Variants in NCAM2 observed in about 807,000 individuals in gnomAD.
The protein encoded by NCAM2 is neural cell adhesion molecule 2.
Under a neutral mutation model 98.1 loss-of-function variants are expected in NCAM2, and 30 were observed. The observed-to-expected ratio is 0.31, with a 90% CI of 0.23 to 0.41. The LOEUF is 0.41. NCAM2 is among the 10% of genes least tolerant of loss of function. The pLI, the probability that NCAM2 is intolerant of heterozygous loss-of-function variation, is 1.00. For missense variants in NCAM2, 867 were observed against 1,005.8 expected, an observed-to-expected ratio of 0.86 and a Z score of 1.87; for synonymous variants, 368 against 342.4, an observed-to-expected ratio of 1.07 and a Z score of -0.83.
chr21:21,229,399 GAT>G (rs2070527202), intron 1 of NCAM2, among the ~76,000 whole-genome samples: 1 of 151,442 alleles, frequency 6.6e-6, no homozygotes, highest in Admixed American at 6.6e-5. Context: ...TCTTTAATAA[GAT>G]GTCACTTTAA....
At chr21:21,032,621 T>A (rs1395485693) in intron 1 of NCAM2, among the ~76,000 whole-genome samples, 1 of 152,244 alleles carries the variant, frequency 6.6e-6, no homozygotes, top group Non-Finnish European at 1.5e-5. Context: ...TTCATTTGCC[T>A]TAGTTATAAA....
intron 16 of NCAM2, among the ~76,000 whole-genome samples, chr21:21,530,726 A>T (rs3945462): frequency 0.95 from 144,000 of 151,924 alleles, 68,710 homozygotes; most frequent in East Asian, 1. Flanking sequence ...GATATAATAA[A>T]GTATTTCTCT....
chr21:21,442,338 T>G (rs921881500), intron 12 of NCAM2, among the ~76,000 whole-genome samples: 1 of 152,152 alleles, frequency 6.6e-6, no homozygotes, highest in East Asian at 1.9e-4. Context: ...CCAGAGAATT[T>G]CCTTAGATGC....
chr21:21,271,507 T>C (rs2072497627), intron 1 of NCAM2, among the ~76,000 whole-genome samples: 1 of 152,208 alleles, frequency 6.6e-6, no homozygotes, highest in African/African-American at 2.4e-5. Context: ...CTTTAAACTT[T>C]CTTTGTGCTT....
intron 16 of NCAM2, among the ~76,000 whole-genome samples, chr21:21,515,770 C>A (rs891898695): frequency 2.0e-5 from 3 of 152,062 alleles, no homozygotes; most frequent in Admixed American, 2.0e-4. Context: ...ACAGCTTAAA[C>A]CCGTGTAAAG....
chr21:21,496,621 G>T (rs1053531972), intron 15 of NCAM2, among the ~76,000 whole-genome samples: 1 of 151,950 alleles, frequency 6.6e-6, no homozygotes, highest in Non-Finnish European at 1.5e-5. Flanking sequence ...GTTGAATTAG[G>T]TCCCACTTGT....
chr21:21,535,062 C>T lies in NCAM2; in HGVS notation c.2402+406C>T, dbSNP rs116392077. Among the ~76,000 whole-genome samples the T allele has an allele frequency of 3.2e-3, 491 of 152,060 alleles. 7 individuals carry two copies. Among genetic ancestry groups the T allele is most frequent in the African/African-American group, 0.011 (473 of 41,514 alleles). ...TGAATATAAATGTCATTGAAATATACGCACGGCTATTTTAAAAAGAAATAT... is the reference window on the plus strand; with the variant it reads ...TGAATATAAATGTCATTGAAATATATGCACGGCTATTTTAAAAAGAAATAT... On this transcript the variant is annotated intron_variant, in intron 17 of 17. Transcript: ENST00000400546.
intron 1 of NCAM2, among the ~76,000 whole-genome samples, chr21:21,137,626 T>C (rs1042124402): frequency 3.3e-5 from 5 of 152,084 alleles, no homozygotes; most frequent in African/African-American, 1.2e-4. Context: ...GGCATGGTGG[T>C]GGATGCCTGT....
chr21:21,090,320 T>G (rs2065987555), intron 1 of NCAM2, among the ~76,000 whole-genome samples: 2 of 152,214 alleles, frequency 1.3e-5, no homozygotes, highest in Non-Finnish European at 2.9e-5. Flanking sequence ...CAGCTTTTTT[T>G]TAAATACTTT....
At chr21:21,339,902 T>A (rs1453366029) in intron 8 of NCAM2, among the ~76,000 whole-genome samples, 2 of 151,872 alleles carry the variant, frequency 1.3e-5, no homozygotes, top group Non-Finnish European at 2.9e-5. Context: ...ATAATTGTAC[T>A]ATTTTGATAT....
intron 12 of NCAM2, among the ~76,000 whole-genome samples, chr21:21,448,618 T>A (rs1980558711): frequency 6.6e-6 from 1 of 152,030 alleles, no homozygotes; most frequent in Non-Finnish European, 1.5e-5. Context: ...GCTTTTAAAA[T>A]TTTTCTACTA....
At chr21:21,264,937 G>A (rs1228645754) in intron 1 of NCAM2, among the ~76,000 whole-genome samples, 1 of 17,978 alleles carries the variant, frequency 5.6e-5, no homozygotes, top group South Asian at 1.6e-3. Flanking sequence ...ACATATATAT[G>A]TGTGTGTATA....
intron 1 of NCAM2, among the ~76,000 whole-genome samples, chr21:20,999,682 A>G (rs1018108252): frequency 6.6e-6 from 1 of 152,340 alleles, no homozygotes; most frequent in Non-Finnish European, 1.5e-5. Flanking sequence ...AATATAATAA[A>G]TTACAAGACA....
At chr21:21,414,473 GTT>G (rs35280147) in intron 10 of NCAM2, among the ~76,000 whole-genome samples, 6 of 137,422 alleles carry the variant, frequency 4.4e-5, no homozygotes, top group Admixed American at 7.3e-5. Flanking sequence ...TTTGTTGTGT[GTT>G]TTTTTTTTTT....
intron 1 of NCAM2, among the ~76,000 whole-genome samples, chr21:21,234,772 A>G (rs1270535297): frequency 1.3e-5 from 2 of 151,984 alleles, no homozygotes; most frequent in Non-Finnish European, 2.9e-5. Flanking sequence ...CTCTTGATCC[A>G]TATGATCATT....
At chr21:21,034,066 C>A (rs1182106974) in intron 1 of NCAM2, among the ~76,000 whole-genome samples, 1 of 150,216 alleles carries the variant, frequency 6.7e-6, no homozygotes, top group Non-Finnish European at 1.5e-5. Context: ...GGGGGGGAAA[C>A]AAAGATTGAG....
Position 21,539,764 on chromosome 21 carries a change from A to G in NCAM2, c.*1807A>G, listed in dbSNP as rs1739346639. 1.3e-5 allele frequency: 2 copies of G among 152,138 alleles called. No homozygotes were observed. The highest frequency in any genetic ancestry group is 3.2e-3 in the Middle Eastern group (1 of 316). 9.4% of individuals were successfully genotyped at this position (152,138 alleles called of 1,614,324 possible). A position where few individuals can be genotyped will look rare whatever the true frequency, so the allele number is the denominator to read the frequency against. On this transcript the variant is annotated 3_prime_UTR_variant, in exon 18 of 18. Coordinates refer to ENST00000400546, the MANE Select transcript of NCAM2 (RefSeq NM_004540.5). ...AAGAACAGAATTCTTGTGCCTACCT[A>G]AGAATTTGAGTAGTGTCTAAACAAA...
chr21:21,048,509 C>A (rs1386111016), intron 1 of NCAM2, among the ~76,000 whole-genome samples: 4 of 152,056 alleles, frequency 2.6e-5, no homozygotes, highest in African/African-American at 9.7e-5. Flanking sequence ...GCCCGCCACA[C>A]GCCCGGCTAA....
At chr21:21,014,423 CAA>C (rs71193391) in intron 1 of NCAM2, among the ~76,000 whole-genome samples, 29 of 100,736 alleles carry the variant, frequency 2.9e-4, no homozygotes, top group East Asian at 2.9e-4. Context: ...GACTCCATCT[CAA>C]AAAAAAAAAA....
Sources: gnomAD v4.1 joint callset for allele counts (sites outside exome capture counted in the v4.1 genomes callset) on GRCh38, gnomAD v4.1.1 for gene constraint, MANE v1.5 for transcripts, NCBI Gene and HGNC (gene_info 2026-07-23, HGNC 2026-07-21) for gene names.